Variants in ADGRL2 observed in about 807,000 individuals in gnomAD.
The protein encoded by ADGRL2 is adhesion G protein-coupled receptor L2, also known as calcium-independent alpha-latrotoxin receptor 2.
A neutral mutation model predicts 157.4 loss-of-function variants in ADGRL2; 44 were observed. The ratio of observed to expected loss-of-function variants is 0.28; its 90% CI spans 0.22 to 0.36. The LOEUF (loss-of-function observed/expected upper bound fraction) is 0.36. Ranked by LOEUF, ADGRL2 falls within the 10% of genes least tolerant of loss-of-function variation. The pLI is 1.00. For synonymous variants in ADGRL2, 585 were observed against 624.7 expected (o/e 0.94, Z 0.95); for missense variants, 1,510 against 1,768.9 (o/e 0.85, Z 2.63).
intron 3 of ADGRL2, among the ~76,000 whole-genome samples, chr1:81,658,850 G>A (rs1348582308): frequency 2.7e-5 from 4 of 150,354 alleles, no homozygotes; most frequent in Non-Finnish European, 5.9e-5. Flanking sequence ...CTCCCGGGTT[G>A]ATGTGATTCT....
intron 2 of ADGRL2, among the ~76,000 whole-genome samples, chr1:81,791,912 T>C (rs1421667505): frequency 6.6e-6 from 1 of 152,224 alleles, no homozygotes; most frequent in African/African-American, 2.4e-5. Flanking sequence ...AAATAGTATA[T>C]AGTTAAAATT....
At chr1:81,648,767 G>A (rs1443388786) in intron 3 of ADGRL2, among the ~76,000 whole-genome samples, 1 of 152,178 alleles carries the variant, frequency 6.6e-6, no homozygotes, top group Non-Finnish European at 1.5e-5. Flanking sequence ...TAGTAGTGGG[G>A]AAGAGGCTTC....
At chr1:81,547,532 T>A (rs1327406514) in intron 2 of ADGRL2, among the ~76,000 whole-genome samples, 1 of 152,256 alleles carries the variant, frequency 6.6e-6, no homozygotes, top group Non-Finnish European at 1.5e-5. Flanking sequence ...TCTTCCTCAC[T>A]TTCATTTAAG....
At chr1:81,987,916 C>A in intron 23 of ADGRL2, 30 bp downstream of exon 23, 1 of 328,502 alleles carries the variant, frequency 3.0e-6, no homozygotes, top group Non-Finnish European at 6.5e-6. Flanking sequence ...CTTTGCCTAT[C>A]AAATGTAAAT....
intron 1 of ADGRL2, among the ~76,000 whole-genome samples, chr1:81,734,925 C>T (rs1277170005): frequency 2.1e-5 from 3 of 142,774 alleles, no homozygotes; most frequent in African/African-American, 5.0e-5. Context: ...CCCAGCTACT[C>T]GGAAGGCTGA....
chr1:81,532,873 G>A (rs1357080139), intron 2 of ADGRL2, among the ~76,000 whole-genome samples: 7 of 151,966 alleles, frequency 4.6e-5, no homozygotes, highest in African/African-American at 1.7e-4. Context: ...ACAGTGAATC[G>A]TGACTGAACC....
At chr1:81,456,828 T>A (rs1300271593) in intron 2 of ADGRL2, among the ~76,000 whole-genome samples, 1 of 152,140 alleles carries the variant, frequency 6.6e-6, no homozygotes. Context: ...TTATCCCACC[T>A]GTCTGCTCCT....
At chr1:81,762,594 T>C (rs752235495) in intron 2 of ADGRL2, among the ~76,000 whole-genome samples, 9 of 151,964 alleles carry the variant, frequency 5.9e-5, no homozygotes, top group Non-Finnish European at 1.3e-4. Context: ...GTATTCCCTA[T>C]AAAAAGAAGG....
At chr1:81,729,162 C>T (rs1290265740) in intron 1 of ADGRL2, among the ~76,000 whole-genome samples, 1 of 150,886 alleles carries the variant, frequency 6.6e-6, no homozygotes, top group South Asian at 2.1e-4. Context: ...AATAATCTTC[C>T]AGCCATCATT....
chr1:81,662,310 C>T (rs1199267184), intron 3 of ADGRL2, among the ~76,000 whole-genome samples: 2 of 142,514 alleles, frequency 1.4e-5, no homozygotes, highest in African/African-American at 2.7e-5. Flanking sequence ...GGCTGGAGTG[C>T]AGTGGTGCCA....
intron 17 of ADGRL2, among the ~76,000 whole-genome samples, chr1:81,973,244 C>G (rs1243668069): frequency 6.6e-6 from 1 of 152,102 alleles, no homozygotes; most frequent in Non-Finnish European, 1.5e-5. Flanking sequence ...AAAACATTCT[C>G]AAGTATTCCT....
intron 2 of ADGRL2, among the ~76,000 whole-genome samples, chr1:81,469,863 A>C (rs763247837): frequency 1.3e-5 from 2 of 152,146 alleles, no homozygotes; most frequent in Non-Finnish European, 2.9e-5. Flanking sequence ...AACACATCCT[A>C]TGCAATTCAG....
At chr1:81,770,854 T>G (rs1326221482) in intron 2 of ADGRL2, among the ~76,000 whole-genome samples, 1 of 152,218 alleles carries the variant, frequency 6.6e-6, no homozygotes, top group Non-Finnish European at 1.5e-5. Flanking sequence ...AAAATATTTT[T>G]AAATTATATA....
intron 1 of ADGRL2, among the ~76,000 whole-genome samples, chr1:81,328,757 C>T (rs1661069372): frequency 6.6e-6 from 1 of 151,956 alleles, no homozygotes; most frequent in African/African-American, 2.4e-5. Context: ...CTTTATCCAC[C>T]TAGTGCAACA....
intron 2 of ADGRL2, among the ~76,000 whole-genome samples, chr1:81,885,299 T>C (rs1156529668): frequency 3.3e-5 from 5 of 152,230 alleles, no homozygotes; most frequent in Non-Finnish European, 7.3e-5. Flanking sequence ...TTTAACCTGA[T>C]GTTTCATCTC....
At chr1:81,434,221 G>C (rs1166600961) in intron 1 of ADGRL2, among the ~76,000 whole-genome samples, 2 of 152,142 alleles carry the variant, frequency 1.3e-5, no homozygotes, top group Admixed American at 6.5e-5. Context: ...CACAAATACA[G>C]TATTAACCAC....
chr1:81,502,820 C>T, intron 2 of ADGRL2: 1 of 1,612,220 alleles, frequency 6.2e-7, no homozygotes, highest in East Asian at 2.2e-5. Flanking sequence ...GCGGCTACTG[C>T]TGCTGCCGCT....
chr1:81,409,828 CT>C (rs1450240779), intron 1 of ADGRL2, among the ~76,000 whole-genome samples: 3 of 152,332 alleles, frequency 2.0e-5, no homozygotes, highest in East Asian at 3.9e-4. Flanking sequence ...CTTCCCACTT[CT>C]GCAGGATTCA....
intron 1 of ADGRL2, among the ~76,000 whole-genome samples, chr1:81,417,302 A>T (rs887369961): frequency 3.5e-4 from 54 of 152,210 alleles, no homozygotes; most frequent in African/African-American, 1.3e-3. Context: ...TGTGACTCCT[A>T]ATTGGTAAAT....
Sources: gnomAD v4.1 joint callset for allele counts (sites outside exome capture counted in the v4.1 genomes callset) on GRCh38, gnomAD v4.1.1 for gene constraint, MANE v1.5 for transcripts, NCBI Gene and HGNC (gene_info 2026-07-23, HGNC 2026-07-21) for gene names.